The following ASTN1 variants were observed in gnomAD, a reference collection of about 807,000 sequenced individuals.
ASTN1 encodes astrotactin-1.
A neutral mutation model predicts 140.7 loss-of-function variants in ASTN1; 41 were observed. The ratio of observed to expected loss-of-function variants is 0.29; its 90% CI spans 0.23 to 0.38. The LOEUF is 0.38. Ranked by LOEUF, ASTN1 falls within the 10% of genes least tolerant of loss-of-function variation. The pLI is 1.00. For missense variants in ASTN1, 1,479 were observed against 1,678.8 expected, an observed-to-expected ratio of 0.88 and a Z score of 2.08; for synonymous variants, 640 against 652.2, an observed-to-expected ratio of 0.98 and a Z score of 0.29.
downstream of ASTN1, among the ~76,000 whole-genome samples, chr1:176,859,716 G>A (rs10798485): frequency 0.37 from 56,625 of 152,040 alleles, 11,494 homozygotes; most frequent in East Asian, 0.73. Context: ...CCTGGGAGGT[G>A]GAGGTTGCAG....
At chr1:176,985,825 G>GTT (rs1673866012) in intron 8 of ASTN1, among the ~76,000 whole-genome samples, 1 of 133,150 alleles carries the variant, frequency 7.5e-6, no homozygotes, top group Non-Finnish European at 1.6e-5. Context: ...TATTTTATTG[G>GTT]TTCTCTCTCT....
chr1:177,152,198 T>G (rs1413275029), intron 1 of ASTN1, among the ~76,000 whole-genome samples: 1 of 152,132 alleles, frequency 6.6e-6, no homozygotes, highest in Non-Finnish European at 1.5e-5. Context: ...AGATTTGCAT[T>G]GCATAACTCC....
chr1:176,909,121 A>G (rs1175713983), intron 16 of ASTN1, among the ~76,000 whole-genome samples: 2 of 152,218 alleles, frequency 1.3e-5, no homozygotes, highest in Non-Finnish European at 2.9e-5. Context: ...CAGGTCTCTG[A>G]CAGCATCGAG....
intron 1 of ASTN1, among the ~76,000 whole-genome samples, chr1:177,110,832 A>C (rs1358008786): frequency 3.3e-5 from 5 of 152,212 alleles, no homozygotes; most frequent in Non-Finnish European, 5.9e-5. Context: ...AGAAAAAAGA[A>C]ATGTGAAAAG....
chr1:176,878,906 C>G (rs988834281), intron 20 of ASTN1, among the ~76,000 whole-genome samples: 2 of 152,138 alleles, frequency 1.3e-5, no homozygotes, highest in Non-Finnish European at 2.9e-5. Flanking sequence ...TCTAGGGGCC[C>G]GAGTGAGCCC....
intron 1 of ASTN1, among the ~76,000 whole-genome samples, chr1:177,076,215 G>A (rs943397090): frequency 1.2e-4 from 18 of 145,002 alleles, no homozygotes; most frequent in Non-Finnish European, 3.0e-5. Context: ...GGAGGTGGAG[G>A]TTGCAGTGAG....
At chr1:177,136,195 C>A (rs1682186319) in intron 1 of ASTN1, among the ~76,000 whole-genome samples, 1 of 152,178 alleles carries the variant, frequency 6.6e-6, no homozygotes, top group Admixed American at 6.5e-5. Flanking sequence ...TGGCTACTCT[C>A]CTGTGGAGTG....
intron 8 of ASTN1, among the ~76,000 whole-genome samples, chr1:177,003,305 GT>G (rs1674828935): frequency 6.7e-6 from 1 of 149,818 alleles, no homozygotes; most frequent in South Asian, 2.1e-4. Context: ...AGTCGAATGA[GT>G]TTCATCCTAG....
intron 2 of ASTN1, among the ~76,000 whole-genome samples, chr1:177,048,830 CT>C (rs1310912869): frequency 6.6e-6 from 1 of 152,214 alleles, no homozygotes; most frequent in Non-Finnish European, 1.5e-5. Flanking sequence ...GGCAATGGCT[CT>C]GAACCAGCAA....
intron 16 of ASTN1, among the ~76,000 whole-genome samples, chr1:176,924,355 C>T (rs1007323668): frequency 6.6e-6 from 1 of 152,210 alleles, no homozygotes; most frequent in Non-Finnish European, 1.5e-5. Context: ...TCTGCATGAT[C>T]AGCTCCTTAT....
intron 1 of ASTN1, among the ~76,000 whole-genome samples, chr1:177,134,830 AT>A (rs1424360984): frequency 6.6e-6 from 1 of 152,184 alleles, no homozygotes; most frequent in African/African-American, 2.4e-5. Context: ...TTATTTTCAG[AT>A]AAGTTTTGAG....
intron 9 of ASTN1, among the ~76,000 whole-genome samples, chr1:176,959,150 T>C (rs1672545072): frequency 1.3e-5 from 2 of 152,194 alleles, no homozygotes. Context: ...AAAGAATCAA[T>C]CGGCATTTCA....
At chr1:176,952,493 GA>G (rs900744406) in intron 11 of ASTN1, among the ~76,000 whole-genome samples, 133 of 146,084 alleles carry the variant, frequency 9.1e-4, no homozygotes, top group African/African-American at 2.7e-3. Context: ...AAGATTTCCA[GA>G]AAAAAAAAAG....
chr1:177,159,436 T>G (rs1184900235), intron 1 of ASTN1, among the ~76,000 whole-genome samples: 1 of 152,188 alleles, frequency 6.6e-6, no homozygotes, highest in Non-Finnish European at 1.5e-5. Context: ...GAAACATATT[T>G]TAAAGTTTCC....
At chr1:176,913,270 G>A (rs1472270685) in intron 16 of ASTN1, among the ~76,000 whole-genome samples, 1 of 152,100 alleles carries the variant, frequency 6.6e-6, no homozygotes. Context: ...ATTCTTCTTT[G>A]GTCCTCTTCT....
rs1455851168 is a variant in ASTN1 at position 176,970,188 on chromosome 1, A to AT, written c.1524-4952dup. On this transcript the variant is annotated intron_variant, in intron 8 of 22. Transcript: ENST00000361833. ...TTAGGACATATCCACTTTTGCAGGG[A>AT]TTTTTCCCTTAGTCTAGGTGATGTG... 2.6e-5 allele frequency among the ~76,000 whole-genome samples: 4 copies of AT among 152,096 alleles called. No individual in the cohort carries two copies. The South Asian group carries it at 6.3e-4, about 24-fold the overall frequency.
rs554018463 is a variant in ASTN1 at position 177,053,709 on chromosome 1, GTATA to G, written c.471+7365_471+7368del. Among the ~76,000 whole-genome samples the G allele has an allele frequency of 1.8e-3, 273 of 152,292 alleles. 1 individual carries two copies. The highest frequency in any genetic ancestry group is 6.2e-3 in the African/African-American group (256 of 41,564). On this transcript the variant is annotated intron_variant, in intron 2 of 22. Transcript: ENST00000361833. ...ATTTCCCGCAAAAATGCAAAAGTTT[GTATA>G]TGAAGAAGCTAAGTTCATTGTTACA...
intron 1 of ASTN1, among the ~76,000 whole-genome samples, chr1:177,073,861 G>A (rs6683648): frequency 0.46 from 68,795 of 151,080 alleles, 17,098 homozygotes; most frequent in Non-Finnish European, 0.57. Context: ...TAAAGTGAAA[G>A]TGCACATGGA....
At chr1:176,999,699 A>G (rs1571627700) in intron 8 of ASTN1, among the ~76,000 whole-genome samples, 1 of 144,190 alleles carries the variant, frequency 6.9e-6, no homozygotes, top group Admixed American at 6.7e-5. Flanking sequence ...AAATACACAC[A>G]TGTCAGTATG....
Sources: gnomAD v4.1 joint callset for allele counts (sites outside exome capture counted in the v4.1 genomes callset) on GRCh38, gnomAD v4.1.1 for gene constraint, MANE v1.5 for transcripts, NCBI Gene and HGNC (gene_info 2026-07-23, HGNC 2026-07-21) for gene names.